GABRB1: variants seen among roughly 807,000 people sequenced by gnomAD.
GABRB1 encodes the protein gamma-aminobutyric acid receptor subunit beta-1.
Under a neutral mutation model 51.6 loss-of-function variants are expected in GABRB1, and 17 were observed. The ratio of observed to expected loss-of-function variants is 0.33; its 90% CI spans 0.23 to 0.49. The LOEUF (loss-of-function observed/expected upper bound fraction) is 0.49, where lower values mean the gene tolerates loss of function less well. GABRB1 is among the 20% of genes least tolerant of loss of function. The pLI, the probability that GABRB1 is intolerant of heterozygous loss-of-function variation, is 0.99. For synonymous variants in GABRB1, 247 were observed against 218.9 expected (o/e 1.13, Z -1.14); for missense variants, 410 against 600.6 (o/e 0.68, Z 3.32).
intron 1 of GABRB1, among the ~76,000 whole-genome samples, chr4:46,995,639 C>G (rs1480107694): frequency 6.6e-6 from 1 of 152,204 alleles, no homozygotes; most frequent in East Asian, 1.9e-4. Flanking sequence ...GCTGGTATGA[C>G]AGATGTAAGC....
At chr4:47,051,450 T>A (rs1373950235) in intron 3 of GABRB1, among the ~76,000 whole-genome samples, 1 of 152,210 alleles carries the variant, frequency 6.6e-6, no homozygotes, top group Non-Finnish European at 1.5e-5. Flanking sequence ...TTTCTCAGTG[T>A]TGAGTAACAG....
intron 3 of GABRB1, among the ~76,000 whole-genome samples, chr4:47,153,089 G>A (rs1315679517): frequency 6.6e-6 from 1 of 151,978 alleles, no homozygotes; most frequent in Non-Finnish European, 1.5e-5. Flanking sequence ...TGAGAAGCCT[G>A]CAGAGAACAG....
rs894034074 is a variant in GABRB1, at chr4:47,328,920, A to T, written c.544+8711A>T. Among the ~76,000 whole-genome samples the T allele has an allele frequency of 6.5e-4, 98 of 151,600 alleles. 1 individual carries two copies. Among genetic ancestry groups the T allele is most frequent in the African/African-American group, 2.2e-3 (90 of 41,288 alleles). ...TACCCTAAAACTTAAAGTATAATAAAAAAAAAAAAAGAAATATCTGTCCAC... is the reference window on the plus strand; with the variant it reads ...TACCCTAAAACTTAAAGTATAATAATAAAAAAAAAAGAAATATCTGTCCAC... On this transcript the variant is annotated intron_variant, in intron 5 of 8. Transcript: ENST00000295454.
intron 3 of GABRB1, among the ~76,000 whole-genome samples, chr4:47,107,584 T>G (rs1446669604): frequency 6.6e-6 from 1 of 152,150 alleles, no homozygotes; most frequent in East Asian, 1.9e-4. Context: ...TGCCTCTGTT[T>G]ATTCATCTGT....
At position 47,346,561 on chromosome 4, in the gene GABRB1, C is replaced by T. The variant is rs1370531160; in HGVS notation, c.544+26352C>T. 2.0e-5 allele frequency among the ~76,000 whole-genome samples: 3 copies of T among 152,158 alleles called. 1 individual carries two copies. The highest frequency in any genetic ancestry group is 4.4e-5 in the Non-Finnish European group (3 of 68,006). On this transcript the variant is annotated intron_variant, in intron 5 of 8. Transcript: ENST00000295454. Reference sequence around the variant, plus strand: ...AGAAATTCATTGATGAATGTGCCAACATCATTGCTGATGAAAATCTGATGC... The same window carrying T: ...AGAAATTCATTGATGAATGTGCCAATATCATTGCTGATGAAAATCTGATGC...
At chr4:47,418,079 G>A (rs1380131293) in intron 8 of GABRB1, among the ~76,000 whole-genome samples, 4 of 152,134 alleles carry the variant, frequency 2.6e-5, no homozygotes, top group Non-Finnish European at 4.4e-5. Context: ...TTCTGTTAAG[G>A]AAAGAAACAG....
At chr4:47,142,608 G>C (rs1716980079) in intron 3 of GABRB1, among the ~76,000 whole-genome samples, 2 of 151,936 alleles carry the variant, frequency 1.3e-5, no homozygotes, top group African/African-American at 4.8e-5. Context: ...TAAGTGAATT[G>C]AAGGCAGACA....
At chr4:47,370,220 G>A (rs1490979788) in intron 5 of GABRB1, among the ~76,000 whole-genome samples, 1 of 152,184 alleles carries the variant, frequency 6.6e-6, no homozygotes, top group South Asian at 2.1e-4. Flanking sequence ...AGAAAAGTCT[G>A]GCTTATGCCT....
chr4:47,144,079 T>C (rs147317929), intron 3 of GABRB1, among the ~76,000 whole-genome samples: 25 of 152,086 alleles, frequency 1.6e-4, no homozygotes, highest in African/African-American at 4.8e-4. Flanking sequence ...AATTCTGTAT[T>C]GTGCACAGGA....
At chr4:47,286,746 T>C (rs1272642572) in intron 4 of GABRB1, among the ~76,000 whole-genome samples, 1 of 152,230 alleles carries the variant, frequency 6.6e-6, no homozygotes, top group Non-Finnish European at 1.5e-5. Context: ...AGAATTCATA[T>C]GATGTGTTCA....
intron 4 of GABRB1, among the ~76,000 whole-genome samples, chr4:47,261,043 C>A (rs1256979791): frequency 6.6e-6 from 1 of 152,084 alleles, no homozygotes; most frequent in East Asian, 1.9e-4. Context: ...ATTGATGGGA[C>A]AAATCTCAAA....
chr4:47,400,992 G>A (rs562496938), intron 5 of GABRB1, among the ~76,000 whole-genome samples: 4 of 134,952 alleles, frequency 3.0e-5, no homozygotes, highest in Non-Finnish European at 3.1e-5. Flanking sequence ...GCAATGGCAC[G>A]ATCTCCGCTC....
At chr4:47,302,284 A>G (rs1426615322) in intron 4 of GABRB1, among the ~76,000 whole-genome samples, 3 of 152,130 alleles carry the variant, frequency 2.0e-5, no homozygotes, top group Non-Finnish European at 4.4e-5. Flanking sequence ...GCATTTATCT[A>G]TAAAATGGAG....
At chr4:47,279,243 T>C (rs933105360) in intron 4 of GABRB1, among the ~76,000 whole-genome samples, 1 of 152,182 alleles carries the variant, frequency 6.6e-6, no homozygotes, top group South Asian at 2.1e-4. Flanking sequence ...CCAAGTTCCA[T>C]AGTTTAGCAA....
At chr4:47,412,723 C>T (rs1728798687) in intron 8 of GABRB1, among the ~76,000 whole-genome samples, 2 of 152,102 alleles carry the variant, frequency 1.3e-5, no homozygotes, top group Non-Finnish European at 2.9e-5. Flanking sequence ...CTCTCTCCTG[C>T]AGAGAGAGGG....
chr4:47,403,523 ATGGTCTGATTACT>A, intron 6 of GABRB1, 23 bp from the exon 7 acceptor site: 1 of 1,613,532 alleles, frequency 6.2e-7, no homozygotes, highest in Non-Finnish European at 8.5e-7. Flanking sequence ...CAACCAAATA[ATGGTCTGATTACT>A]TGTCTTTTGT....
At position 47,161,175 on chromosome 4, in the gene GABRB1, C is replaced by T. The variant is rs1376532294; in HGVS notation, c.241-74C>T. The T allele has an allele frequency of 8.0e-6, 8 of 1,003,226 alleles. No homozygotes were observed. The South Asian group carries it at 1.2e-4, about 15-fold the overall frequency. 62.1% of individuals were successfully genotyped at this position (1,003,226 alleles called of 1,614,324 possible). On this transcript the variant is annotated intron_variant, in intron 3 of 8. Coordinates refer to ENST00000295454, the MANE Select transcript of GABRB1 (RefSeq NM_000812.4). Reference sequence around the variant, plus strand: ...TCAAATGTAATCTCTTACAGGACATCCTACATGTTATTAAACCTTAGATGA... The same window carrying T: ...TCAAATGTAATCTCTTACAGGACATTCTACATGTTATTAAACCTTAGATGA...
chr4:47,416,058 C>T (rs1728906261), intron 8 of GABRB1, among the ~76,000 whole-genome samples: 1 of 152,158 alleles, frequency 6.6e-6, no homozygotes, highest in African/African-American at 2.4e-5. Context: ...ACCTGCCCTC[C>T]TGGAGCTTAT....
rs574890985 is a variant in GABRB1 at position 47,004,071 on chromosome 4, C to A, written c.-20+10145C>A. 5.3e-5 allele frequency among the ~76,000 whole-genome samples: 8 copies of A among 152,172 alleles called. No homozygotes were observed. In the East Asian group the frequency reaches 1.6e-3, roughly 30 times the overall value. The stretch of plus-strand genomic sequence containing the variant: ...GTGGTGCCATCTCGGCTCATGCAAC[C>A]GCCACCTCCTGGGTTCAAGCGGTTC... On this transcript the variant is annotated intron_variant, in intron 1 of 3. Transcript: ENST00000513567.
Sources: allele counts gnomAD v4.1 joint callset (sites outside exome capture counted in the v4.1 genomes callset), GRCh38; gene constraint gnomAD v4.1.1; transcripts MANE v1.5; gene names NCBI Gene and HGNC (gene_info 2026-07-23, HGNC 2026-07-21).